The following RGS6 variants were observed in gnomAD, a reference collection of about 807,000 sequenced individuals.
RGS6 encodes the protein regulator of G protein signaling 6.
A neutral mutation model predicts 78.5 loss-of-function variants in RGS6; 30 were observed. That is an observed-to-expected ratio of 0.38 (90% confidence interval 0.29 to 0.52). The LOEUF is 0.52. RGS6 is among the 20% of genes least tolerant of loss of function. The pLI, the probability that RGS6 is intolerant of heterozygous loss-of-function variation, is 0.85. For synonymous variants in RGS6, 206 were observed against 206.0 expected (o/e 1.00, Z 0.00); for missense variants, 495 against 609.7 (o/e 0.81, Z 1.98).
At chr14:72,446,686 C>G (rs915968298) in intron 3 of RGS6, among the ~76,000 whole-genome samples, 4 of 152,228 alleles carry the variant, frequency 2.6e-5, no homozygotes, top group African/African-American at 9.6e-5. Context: ...CAACTCACCA[C>G]AATGTAGAAT....
At chr14:72,126,728 A>T (rs1235347471) in intron 2 of RGS6, among the ~76,000 whole-genome samples, 1 of 152,220 alleles carries the variant, frequency 6.6e-6, no homozygotes, top group Admixed American at 6.5e-5. Context: ...GTATGTAGCC[A>T]ATTTCATGAG....
At chr14:72,522,629 T>C (rs2097061598) in intron 15 of RGS6, among the ~76,000 whole-genome samples, 1 of 152,216 alleles carries the variant, frequency 6.6e-6, no homozygotes, top group Non-Finnish European at 1.5e-5. Context: ...CTGTGTTTAT[T>C]TATGAACAGT....
chr14:72,264,315 G>T (rs2058674916), intron 2 of RGS6, among the ~76,000 whole-genome samples: 1 of 152,204 alleles, frequency 6.6e-6, no homozygotes, highest in Non-Finnish European at 1.5e-5. Context: ...ACTTTAAGCA[G>T]CACTTTCCAA....
intron 2 of RGS6, among the ~76,000 whole-genome samples, chr14:72,040,640 A>C (rs960461441): frequency 1.2e-4 from 18 of 152,078 alleles, no homozygotes; most frequent in Non-Finnish European, 1.8e-4. Context: ...TCTTGAATTT[A>C]GATGTTCTTT....
intron 2 of RGS6, among the ~76,000 whole-genome samples, chr14:72,318,947 T>C (rs553336473): frequency 5.1e-4 from 78 of 152,310 alleles, no homozygotes; most frequent in African/African-American, 1.7e-3. Flanking sequence ...CCCTTTGTAA[T>C]AAGACTTAAC....
chr14:72,495,274 T>C lies in RGS6; in HGVS notation c.965+12T>C, dbSNP rs375711400. 2.4e-4 allele frequency: 368 copies of C among 1,560,650 alleles called. No homozygotes were observed. The highest frequency in any genetic ancestry group is 3.1e-4 in the Non-Finnish European group (349 of 1,131,390). The stretch of plus-strand genomic sequence containing the variant: ...GACATAGAGATGAGGTAAAAAATGT[T>C]TTAAGGTTTGGGAGTGGGATGAATG... On this transcript the variant is annotated intron_variant, in intron 13 of 17. Coordinates refer to ENST00000553525, the MANE Select transcript of RGS6 (RefSeq NM_001204424.2).
intron 2 of RGS6, among the ~76,000 whole-genome samples, chr14:72,305,574 T>G (rs1161687087): frequency 6.6e-6 from 1 of 152,236 alleles, no homozygotes. Context: ...TTGTTTATGT[T>G]GCTATTATAA....
In RGS6 at chr14:72,352,254, A is replaced by C; in HGVS notation, c.184+60A>C. 2.3e-6 allele frequency: 3 copies of C among 1,310,506 alleles called. No individual in the cohort carries two copies. In the East Asian group the frequency reaches 7.1e-5, roughly 31 times the overall value. 81.2% of individuals were successfully genotyped at this position (1,310,506 alleles called of 1,614,324 possible). ...AGAACTACCAAAGAGTTATAAGTCT[A>C]GATTGCGGCCTGAGGGGTGTCTGAA... On this transcript the variant is annotated intron_variant, in intron 3 of 17. Transcript: ENST00000553525.
intron 2 of RGS6, among the ~76,000 whole-genome samples, chr14:72,272,503 A>G (rs1212508353): frequency 6.6e-6 from 1 of 152,124 alleles, no homozygotes; most frequent in Non-Finnish European, 1.5e-5. Context: ...ATGGCTCTCA[A>G]TTTCTACAGG....
chr14:72,252,567 AT>A (rs1489791577), intron 2 of RGS6, among the ~76,000 whole-genome samples: 1 of 152,194 alleles, frequency 6.6e-6, no homozygotes, highest in Non-Finnish European at 1.5e-5. Flanking sequence ...TCAAGTGTTA[AT>A]TAGTAATCCC....
intron 3 of RGS6, among the ~76,000 whole-genome samples, chr14:72,448,354 G>A (rs1402651443): frequency 6.6e-6 from 1 of 152,162 alleles, no homozygotes; most frequent in East Asian, 1.9e-4. Flanking sequence ...AAATGACACT[G>A]AACTTTTCAT....
chr14:72,614,237 C>T, the RGS6 span, among the ~76,000 whole-genome samples: 1,009 of 152,300 alleles, frequency 6.6e-3, 20 homozygotes, highest in African/African-American at 0.023. Flanking sequence ...CTTCTGACCA[C>T]GGACCAGTTA....
chr14:72,149,063 C>T (rs745525002), intron 2 of RGS6, among the ~76,000 whole-genome samples: 1 of 152,212 alleles, frequency 6.6e-6, no homozygotes, highest in Non-Finnish European at 1.5e-5. Context: ...AATCATAAGA[C>T]AGCTTGCTCA....
At chr14:72,529,567 CCTCT>C (rs1322124528) in intron 15 of RGS6, among the ~76,000 whole-genome samples, 2 of 152,258 alleles carry the variant, frequency 1.3e-5, no homozygotes, top group South Asian at 4.2e-4. Context: ...GAGTGGACAA[CCTCT>C]CTCTGCTGCC....
chr14:71,901,874 C>G, the RGS6 span, among the ~76,000 whole-genome samples: 1 of 152,154 alleles, frequency 6.6e-6, no homozygotes, highest in African/African-American at 2.4e-5. Context: ...GGTTTAGAAA[C>G]AGGTGTATGA....
At chr14:72,490,710 C>T (rs762172745) in intron 12 of RGS6, among the ~76,000 whole-genome samples, 7 of 152,166 alleles carry the variant, frequency 4.6e-5, no homozygotes, top group Non-Finnish European at 8.8e-5. Context: ...GCTGCTTCTA[C>T]CCCAGGGGTC....
chr14:72,166,844 TGTGA>T (rs1475640509), intron 2 of RGS6, among the ~76,000 whole-genome samples: 1 of 152,224 alleles, frequency 6.6e-6, no homozygotes, highest in Non-Finnish European at 1.5e-5. Flanking sequence ...CTCACTATAT[TGTGA>T]GTGTTTTCAC....
chr14:72,515,270 C>T (rs894920202), intron 14 of RGS6, among the ~76,000 whole-genome samples: 4 of 151,740 alleles, frequency 2.6e-5, no homozygotes, highest in Non-Finnish European at 5.9e-5. Context: ...CCCTCCCCTT[C>T]CTCTTCCTCC....
At chr14:72,313,498 G>C (rs1438048672) in intron 2 of RGS6, among the ~76,000 whole-genome samples, 1 of 152,168 alleles carries the variant, frequency 6.6e-6, no homozygotes, top group Non-Finnish European at 1.5e-5. Context: ...CCCTGGGAGG[G>C]GGGGCTTGCA....
Sources: allele counts gnomAD v4.1 joint callset (sites outside exome capture counted in the v4.1 genomes callset), GRCh38; gene constraint gnomAD v4.1.1; transcripts MANE v1.5; gene names NCBI Gene and HGNC (gene_info 2026-07-23, HGNC 2026-07-21).